The following DGKZ variants were observed in gnomAD, a reference collection of about 807,000 sequenced individuals.
DGKZ encodes diacylglycerol kinase zeta.
A neutral mutation model predicts 142.5 loss-of-function variants in DGKZ; 45 were observed. That is an observed-to-expected ratio of 0.32 (90% CI 0.25 to 0.40). DGKZ has a LOEUF of 0.40. Ranked by LOEUF, DGKZ falls within the 10% of genes least tolerant of loss-of-function variation. The pLI is 1.00. For missense variants in DGKZ, 755 were observed against 1,306.5 expected, an observed-to-expected ratio of 0.58 and a Z score of 6.51; for synonymous variants, 442 against 527.0, an observed-to-expected ratio of 0.84 and a Z score of 2.21.
Position 46,372,235 on chromosome 11 carries a change from G to T in DGKZ, c.927+65G>T. 2.7e-6 allele frequency: 4 copies of T among 1,467,198 alleles called. No homozygotes were observed. The highest frequency in any genetic ancestry group is 3.7e-6 in the Non-Finnish European group (4 of 1,081,868). The allele number at this position is 1,467,198 out of a possible 1,614,324, so 90.9% of individuals were successfully genotyped here. On this transcript the variant is annotated intron_variant, in intron 10 of 30. Transcript: ENST00000527911. The surrounding 1 kb of genome is among the most constrained non-coding windows in gnomAD (Gnocchi z 5.9). ...GGGTTGGGGTCCAGCCCGTCTGCCAGCAGCTGTTCCCAGAGCCCGTTTCTG... is the reference window on the plus strand; with the variant it reads ...GGGTTGGGGTCCAGCCCGTCTGCCATCAGCTGTTCCCAGAGCCCGTTTCTG...
Position 46,368,091 on chromosome 11 carries a change from G to A in DGKZ, c.444+12G>A. ...AGCAGCTGGAGAAGGTGGGTGGGTA[G>A]CTCAGCTTTGCCCGCCCCTGCCCTT... is the stretch of plus-strand genomic sequence containing the variant. On this transcript the variant is annotated intron_variant, in intron 4 of 30. Transcript: ENST00000527911. 1 of 1,613,942 alleles carries A rather than the reference G, an allele frequency of 6.2e-7. No homozygotes were observed. The highest frequency in any genetic ancestry group is 1.3e-5 in the African/African-American group (1 of 75,056).
At chr11:46,345,436 T>A (rs1410381218), upstream of DGKZ, 1 of 1,464,258 alleles carries the variant, frequency 6.8e-7, no homozygotes, top group Non-Finnish European at 9.0e-7. This position sits in a 1 kb window ranked among gnomAD's most constrained non-coding sequence, Gnocchi z 4.1. Flanking sequence ...CTGGCCACAG[T>A]GCCGGGGGAA....
At position 46,367,261 on chromosome 11, in the gene DGKZ, C is replaced by T. The variant is rs773724906; in HGVS notation, c.162-30C>T. On this transcript the variant is annotated intron_variant, in intron 1 of 30. Transcript: ENST00000527911. This position sits in a 1 kb window ranked among gnomAD's most constrained non-coding sequence, Gnocchi z 4.1. ...GGAAGTAGGGTCAGCAAGTGCTCAG[C>T]CCCCTCCTCAGCTGTCTTCTCCTCT... 3.8e-6 allele frequency: 6 copies of T among 1,584,980 alleles called. No homozygotes were observed. The highest frequency in any genetic ancestry group is 1.1e-5 in the South Asian group (1 of 90,156).
chr11:46,336,497 G>A (rs1230063368), intron 1 of DGKZ, among the ~76,000 whole-genome samples: 2 of 152,216 alleles, frequency 1.3e-5, no homozygotes, highest in South Asian at 2.1e-4. Flanking sequence ...GGAGGCCAAG[G>A]CAGGAGGATC....
At chr11:46,379,151 G>C (rs1565090668) in intron 28 of DGKZ, 40 bp downstream of exon 28, 1 of 1,611,840 alleles carries the variant, frequency 6.2e-7, no homozygotes, top group Non-Finnish European at 8.5e-7. Context: ...GGGCCAAGGT[G>C]GGAGGAGGAG....
chr11:46,337,497 T>C (rs1268795466), intron 1 of DGKZ, among the ~76,000 whole-genome samples: 1 of 151,950 alleles, frequency 6.6e-6, no homozygotes, highest in Non-Finnish European at 1.5e-5. Context: ...GGTTTCGCCA[T>C]GTTGGCCAGG....
At chr11:46,356,316 G>A (rs998490835) in intron 1 of DGKZ, among the ~76,000 whole-genome samples, 5 of 152,268 alleles carry the variant, frequency 3.3e-5, no homozygotes, top group African/African-American at 4.8e-5. Flanking sequence ...GGAAGTTCTC[G>A]GGAGCTGGCC....
At chr11:46,342,168 T>A (rs918614529) in intron 1 of DGKZ, among the ~76,000 whole-genome samples, 8 of 152,216 alleles carry the variant, frequency 5.3e-5, no homozygotes, top group African/African-American at 1.9e-4. Flanking sequence ...CTGGGTGGAT[T>A]CTGAGGGGTC....
At chr11:46,375,039 G>C (rs375351262) in exon 19 of DGKZ, 7 of 1,597,716 alleles carry the variant, frequency 4.4e-6, no homozygotes, top group Non-Finnish European at 6.0e-6. Context: ...TCACCATGAC[G>C]TCGTTGGTGA....
At chr11:46,375,402 C>G in intron 19 of DGKZ, 30 bp from the exon 20 acceptor site, 1 of 1,545,804 alleles carries the variant, frequency 6.5e-7, no homozygotes, top group Non-Finnish European at 8.7e-7. Context: ...AGCCCTGGTG[C>G]CATCTGACCC....
intron 30 of DGKZ, 67 bp downstream of exon 30, chr11:46,379,635 G>C (rs904737870): frequency 2.1e-6 from 3 of 1,435,196 alleles, no homozygotes; most frequent in Middle Eastern, 1.8e-4. Flanking sequence ...TCCTAGGCGG[G>C]AGCTGGGGCT....
chr11:46,336,881 C>T (rs1940041625), intron 1 of DGKZ, among the ~76,000 whole-genome samples: 1 of 152,146 alleles, frequency 6.6e-6, no homozygotes, highest in East Asian at 1.9e-4. Context: ...ATTAGCTGGG[C>T]GTGGTTGCAT....
chr11:46,379,577 A>G lies in DGKZ; in HGVS notation c.2688+9A>G. The G allele has an allele frequency of 6.2e-7, 1 of 1,601,782 alleles. No individual in the cohort carries two copies. The highest frequency in any genetic ancestry group is 8.5e-7 in the Non-Finnish European group (1 of 1,174,702). ...TGAAGACAGACCAGCAGGTGAGCAG[A>G]CGGCAGGCAGGGAGCCCACGAGGGC... On this transcript the variant is annotated intron_variant, in intron 30 of 30. Coordinates refer to ENST00000527911, the Ensembl canonical transcript of DGKZ.
Position 46,347,848 on chromosome 11 carries a change from C to G in DGKZ, c.161+28C>G. On this transcript the variant is annotated intron_variant, in intron 1 of 30. Coordinates refer to ENST00000527911, the Ensembl canonical transcript of DGKZ. The surrounding 1 kb of genome is among the most constrained non-coding windows in gnomAD (Gnocchi z 6.4). The stretch of plus-strand genomic sequence containing the variant: ...GAGCGGGGCGGCGGCGGGGCAGGCA[C>G]CGAGGCACCGGCAGGTTACCGCTCC... 7.8e-7 allele frequency: 1 copy of G among 1,276,092 alleles called. No homozygotes were observed. The highest frequency in any genetic ancestry group is 9.9e-7 in the Non-Finnish European group (1 of 1,009,250). 79.0% of individuals were successfully genotyped at this position (1,276,092 alleles called of 1,614,324 possible).
chr11:46,337,484 C>T (rs1367828968), intron 1 of DGKZ, among the ~76,000 whole-genome samples: 1 of 151,604 alleles, frequency 6.6e-6, no homozygotes, highest in African/African-American at 2.4e-5. Flanking sequence ...TTAGTAGAGA[C>T]GGGGTTTCGC....
At chr11:46,377,662 G>A (rs1044033792) in intron 25 of DGKZ, 5 of 221,124 alleles carry the variant, frequency 2.3e-5, no homozygotes, top group African/African-American at 9.3e-5. Flanking sequence ...CCCTTTGGAC[G>A]TGGATTCTCC....
intron 1 of DGKZ, chr11:46,338,830 A>C (rs1940141554): frequency 6.6e-6 from 1 of 152,248 alleles, no homozygotes; most frequent in African/African-American, 2.4e-5. Context: ...TACCTTATCA[A>C]GAATGTGGCT....
In DGKZ at chr11:46,367,966, C is replaced by A. The variant is rs766431111; in HGVS notation, c.367-36C>A. Reference sequence around the variant, plus strand: ...CAGGCAGCCTCCGAGATAGACTTACCTGGTGCCTCAGGGGCCCTCTCTTCC... The same window carrying A: ...CAGGCAGCCTCCGAGATAGACTTACATGGTGCCTCAGGGGCCCTCTCTTCC... On this transcript the variant is annotated intron_variant, in intron 3 of 30. Coordinates refer to ENST00000527911, the Ensembl canonical transcript of DGKZ. This position sits in a 1 kb window ranked among gnomAD's most constrained non-coding sequence, Gnocchi z 4.1. 1.2e-6 allele frequency: 2 copies of A among 1,610,904 alleles called. No homozygotes were observed. The highest frequency in any genetic ancestry group is 1.7e-6 in the Non-Finnish European group (2 of 1,177,548).
rs1013575663 is a variant in DGKZ at position 46,379,340 on chromosome 11, C to A, written c.2573+104C>A. On this transcript the variant is annotated intron_variant, in intron 29 of 30. Transcript: ENST00000527911. The stretch of plus-strand genomic sequence containing the variant: ...GAGCCCATAAACTTCCTGGTCACAT[C>A]TGTCATCCCCTGGGCCACCCCTATT... The A allele has an allele frequency of 3.2e-6, 5 of 1,577,432 alleles. No homozygotes were observed. The Admixed American group carries it at 8.7e-5, about 27-fold the overall frequency.
Sources: allele counts gnomAD v4.1 joint callset (sites outside exome capture counted in the v4.1 genomes callset), GRCh38; gene constraint gnomAD v4.1.1; non-coding constraint Gnocchi (gnomAD v3.1); transcripts MANE v1.5; gene names NCBI Gene and HGNC (gene_info 2026-07-23, HGNC 2026-07-21).